ESRRG: variants seen among roughly 807,000 people sequenced by gnomAD.
ESRRG encodes the protein estrogen-related receptor gamma.
A neutral mutation model predicts 44.0 loss-of-function variants in ESRRG; 13 were observed. That is an observed-to-expected ratio of 0.30 (90% confidence interval 0.19 to 0.47). The LOEUF (loss-of-function observed/expected upper bound fraction) is 0.47. Among genes scored for constraint, ESRRG ranks in the 20% least tolerant of loss-of-function variants. The pLI is 1.00. For missense variants in ESRRG, 395 were observed against 580.6 expected, an observed-to-expected ratio of 0.68 and a Z score of 3.29; for synonymous variants, 215 against 214.6, an observed-to-expected ratio of 1.00 and a Z score of -0.02.
chr1:216,613,201 A>G (rs975951855), intron 3 of ESRRG, among the ~76,000 whole-genome samples: 1 of 152,104 alleles, frequency 6.6e-6, no homozygotes, highest in African/African-American at 2.4e-5. Flanking sequence ...TAAATACTAT[A>G]TTGGAAAATT....
rs184419652 is a variant in ESRRG, at chr1:217,049,377, T to C, written c.-106+40130A>G. 7.7e-4 allele frequency among the ~76,000 whole-genome samples: 118 copies of C among 152,348 alleles called. 1 individual carries two copies. The highest frequency in any genetic ancestry group is 2.8e-4 in the Non-Finnish European group (19 of 68,018). ...AATTTTCTCCATCTCACTGAATTGC[T>C]ATCTGCAAGAAATCATTTGGTAATT... On this transcript the variant is annotated intron_variant, in intron 1 of 7. Transcript: ENST00000359162.
rs561262839 is a variant in ESRRG, at chr1:216,605,992, A to G, written c.590-37894T>C. On this transcript the variant is annotated intron_variant, in intron 3 of 6. Transcript: ENST00000408911. The stretch of plus-strand genomic sequence containing the variant: ...CCCCTGCTCGCCTTCTCTTTGCTTC[A>G]CAGAGTTTAAGCTAAAACCAAAGAA... Among the ~76,000 whole-genome samples, 326 of 152,254 alleles carry G rather than the reference A, an allele frequency of 2.1e-3. 2 individuals carry two copies. Among genetic ancestry groups the G allele is most frequent in the African/African-American group, 7.7e-3 (318 of 41,538 alleles).
intron 2 of ESRRG, among the ~76,000 whole-genome samples, chr1:216,786,271 C>T (rs1234081537): frequency 6.6e-6 from 1 of 151,982 alleles, no homozygotes; most frequent in Non-Finnish European, 1.5e-5. Context: ...GGCTTCATAA[C>T]AGGAGGAAAA....
chr1:217,044,594 A>T (rs973828574), intron 1 of ESRRG, among the ~76,000 whole-genome samples: 2 of 152,184 alleles, frequency 1.3e-5, no homozygotes, highest in South Asian at 4.1e-4. Context: ...CTAAAGGGCA[A>T]TTGCAGCTCC....
chr1:216,756,018 T>A (rs1166050014), intron 2 of ESRRG, among the ~76,000 whole-genome samples: 7 of 152,022 alleles, frequency 4.6e-5, no homozygotes, highest in Admixed American at 1.3e-4. Context: ...TGGACCCAAG[T>A]AGTGTGCATT....
intron 2 of ESRRG, among the ~76,000 whole-genome samples, chr1:216,928,506 C>T (rs908367740): frequency 6.6e-6 from 1 of 152,206 alleles, no homozygotes; most frequent in Non-Finnish European, 1.5e-5. Flanking sequence ...AACATCTCCT[C>T]TTCTTCCTGT....
chr1:216,752,142 C>T (rs939725149), intron 2 of ESRRG, among the ~76,000 whole-genome samples: 1 of 152,086 alleles, frequency 6.6e-6, no homozygotes, highest in Admixed American at 6.6e-5. Context: ...CTATTATTCC[C>T]ATTTAACAGA....
At chr1:217,002,335 AG>A (rs1258442445) in intron 1 of ESRRG, among the ~76,000 whole-genome samples, 1 of 110,380 alleles carries the variant, frequency 9.1e-6, no homozygotes, top group Non-Finnish European at 2.1e-5. Flanking sequence ...AAAAAAAAAA[AG>A]AAAGAAAGAA....
chr1:216,984,715 G>A (rs1351751661), intron 1 of ESRRG, among the ~76,000 whole-genome samples: 1 of 152,168 alleles, frequency 6.6e-6, no homozygotes, highest in Non-Finnish European at 1.5e-5. Flanking sequence ...GAGCCCACAG[G>A]AGAGTTATTT....
intron 1 of ESRRG, among the ~76,000 whole-genome samples, chr1:216,962,174 G>A (rs1048891297): frequency 5.3e-5 from 8 of 152,116 alleles, no homozygotes; most frequent in Non-Finnish European, 5.9e-5. Context: ...AAGAACTAGC[G>A]AGAGAAAGAA....
At chr1:217,053,558 T>A (rs2086534200) in intron 1 of ESRRG, among the ~76,000 whole-genome samples, 1 of 152,048 alleles carries the variant, frequency 6.6e-6, no homozygotes, top group South Asian at 2.1e-4. Flanking sequence ...AAAAATTATG[T>A]CATTTGTGTT....
chr1:216,731,645 A>G (rs1207027260), intron 2 of ESRRG, among the ~76,000 whole-genome samples: 1 of 152,256 alleles, frequency 6.6e-6, no homozygotes, highest in African/African-American at 2.4e-5. Flanking sequence ...TACCCCCAAA[A>G]TATGTACAAC....
intron 2 of ESRRG, among the ~76,000 whole-genome samples, chr1:216,866,545 C>T (rs77460509): frequency 6.7e-6 from 1 of 149,692 alleles, no homozygotes; most frequent in Admixed American, 6.7e-5. Flanking sequence ...ATATCTTTAT[C>T]TTTCTTTGTT....
chr1:216,575,122 G>C (rs899542558), intron 3 of ESRRG, among the ~76,000 whole-genome samples: 3 of 152,082 alleles, frequency 2.0e-5, no homozygotes, highest in African/African-American at 4.8e-5. Flanking sequence ...AATATCCTGA[G>C]AGAGTGTACC....
At chr1:216,537,208 G>A (rs12144754) in intron 5 of ESRRG, among the ~76,000 whole-genome samples, 32,467 of 151,872 alleles carry the variant, frequency 0.21, 4,049 homozygotes, top group Non-Finnish European at 0.27. Flanking sequence ...GTGCCCTTAT[G>A]AAAGAGACCA....
chr1:216,662,704 T>C (rs1173799272), intron 2 of ESRRG, among the ~76,000 whole-genome samples: 1 of 152,128 alleles, frequency 6.6e-6, no homozygotes, highest in African/African-American at 2.4e-5. Flanking sequence ...TTTGTTTAAC[T>C]CTAAGTCTTC....
chr1:216,741,853 C>T (rs1469935365), intron 2 of ESRRG, among the ~76,000 whole-genome samples: 3 of 152,134 alleles, frequency 2.0e-5, no homozygotes, highest in Non-Finnish European at 4.4e-5. Context: ...CTTCTAAGTC[C>T]TATTGGTTCT....
intron 3 of ESRRG, among the ~76,000 whole-genome samples, chr1:216,614,409 A>C (rs1333010406): frequency 6.6e-6 from 1 of 152,078 alleles, no homozygotes; most frequent in East Asian, 1.9e-4. Flanking sequence ...GAATATAGTC[A>C]ATTCTATCTA....
chr1:216,972,190 C>T (rs1007484052), intron 1 of ESRRG, among the ~76,000 whole-genome samples: 63 of 152,100 alleles, frequency 4.1e-4, no homozygotes, highest in African/African-American at 1.5e-3. Flanking sequence ...AAAATTATGC[C>T]GGTTTTTGTC....
Sources: gnomAD v4.1 joint callset for allele counts (sites outside exome capture counted in the v4.1 genomes callset) on GRCh38, gnomAD v4.1.1 for gene constraint, MANE v1.5 for transcripts, NCBI Gene and HGNC (gene_info 2026-07-23, HGNC 2026-07-21) for gene names.